CCNJL: variants seen among roughly 807,000 people sequenced by gnomAD.
CCNJL encodes the protein cyclin J like, also known as cyclin-J-like protein.
A neutral mutation model predicts 33.4 loss-of-function variants in CCNJL; 33 were observed. The observed-to-expected ratio is 0.99, with a 90% CI of 0.75 to 1.32. CCNJL has a LOEUF of 1.32. Ranked by LOEUF, CCNJL falls within the 40% of genes most tolerant of loss-of-function variation. The probability of loss-of-function intolerance (pLI) is 0.00; values close to 1 mark genes in which losing one functional copy is unlikely to be tolerated. For missense variants in CCNJL, 512 were observed against 499.7 expected, an observed-to-expected ratio of 1.02 and a Z score of -0.23; for synonymous variants, 227 against 220.9, an observed-to-expected ratio of 1.03 and a Z score of -0.24.
chr5:160,260,947 G>C (rs1053520515), intron 3 of CCNJL: 2 of 152,290 alleles, frequency 1.3e-5, no homozygotes, highest in African/African-American at 4.8e-5. Context: ...GTTCACCCAT[G>C]ACCCCAAGGC....
chr5:160,253,323 TGTCCTC>T lies in CCNJL; in HGVS notation c.*49_*54del. ...CACTTGGCTGAGCTCTCCTCTTCAGTGTCCTCTTCCTCTGCCCACATCTCCAAGGCT... is the reference window on the plus strand; with the variant it reads ...CACTTGGCTGAGCTCTCCTCTTCAGTTTCCTCTGCCCACATCTCCAAGGCT... On this transcript the variant is annotated 3_prime_UTR_variant, in exon 6 of 6. Transcript: ENST00000257536. 6.6e-7 allele frequency: 1 copy of T among 1,505,466 alleles called. No individual in the cohort carries two copies. Among genetic ancestry groups the T allele is most frequent in the Non-Finnish European group, 8.9e-7 (1 of 1,120,740 alleles). 93.3% of individuals were successfully genotyped at this position (1,505,466 alleles called of 1,614,324 possible). A position where few individuals can be genotyped will look rare whatever the true frequency, so the allele number is the denominator to read the frequency against.
At chr5:160,310,630 G>C (rs13177041) in intron 2 of CCNJL, among the ~76,000 whole-genome samples, 2 of 151,960 alleles carry the variant, frequency 1.3e-5, no homozygotes, top group African/African-American at 4.8e-5. Flanking sequence ...TGTTAATCTG[G>C]AACTTCAGAA....
At chr5:160,306,270 C>CTAA (rs1763094533) in intron 2 of CCNJL, among the ~76,000 whole-genome samples, 1 of 68,908 alleles carries the variant, frequency 1.5e-5, no homozygotes, top group Non-Finnish European at 3.0e-5. Flanking sequence ...GACTCCGTCT[C>CTAA]AAAAAAAAAA....
chr5:160,269,558 A>C (rs146691622), intron 3 of CCNJL: 2 of 448,678 alleles, frequency 4.5e-6, no homozygotes, highest in African/African-American at 2.0e-5. Context: ...TGCGGGGAAC[A>C]GGGAGAAGGA....
intron 1 of CCNJL, among the ~76,000 whole-genome samples, chr5:160,327,740 C>A (rs1052929683): frequency 3.9e-5 from 6 of 152,164 alleles, no homozygotes; most frequent in African/African-American, 1.4e-4. Flanking sequence ...CTAGTAACAC[C>A]CTCACATTGA....
Position 160,255,474 on chromosome 5 carries a change from C to T in CCNJL, c.743+75G>A, listed in dbSNP as rs564880656. ...CAAGTTCCAGACTCTGGAAACTGCC[C>T]GTGGCCTGAGGCAGGCCTCAAGGCA... On this transcript the variant is annotated intron_variant, in intron 5 of 5. Transcript: ENST00000257536. The T allele has an allele frequency of 2.8e-5, 40 of 1,417,690 alleles. 1 individual carries two copies. In the East Asian group the frequency reaches 5.7e-4, roughly 20 times the overall value. The allele number at this position is 1,417,690 out of a possible 1,614,324, so 87.8% of individuals were successfully genotyped here. A position where few individuals can be genotyped will look rare whatever the true frequency, so the allele number is the denominator to read the frequency against.
At chr5:160,282,454 T>TA (rs1337294949) in intron 2 of CCNJL, among the ~76,000 whole-genome samples, 1 of 152,204 alleles carries the variant, frequency 6.6e-6, no homozygotes, top group Non-Finnish European at 1.5e-5. Flanking sequence ...GAAAAATACA[T>TA]AAGTTGAATT....
chr5:160,315,203 C>T (rs537036815), upstream of CCNJL, among the ~76,000 whole-genome samples: 9 of 152,120 alleles, frequency 5.9e-5, no homozygotes, highest in South Asian at 2.1e-4. Context: ...GGGCTGGGCA[C>T]GGTGGCTCAT....
intron 3 of CCNJL, chr5:160,269,578 G>A (rs1651896267): frequency 2.3e-6 from 1 of 438,840 alleles, no homozygotes; most frequent in Non-Finnish European, 4.6e-6. Flanking sequence ...AAAAGGAGAG[G>A]CCATCTTGGG....
At chr5:160,293,347 A>T (rs1762647135) in intron 2 of CCNJL, among the ~76,000 whole-genome samples, 1 of 152,168 alleles carries the variant, frequency 6.6e-6, no homozygotes, top group Admixed American at 6.5e-5. Flanking sequence ...GAATTGCTTG[A>T]ACCCGGGAGG....
At position 160,331,214 on chromosome 5, in the gene CCNJL, C is replaced by A. The variant is rs142536051; in HGVS notation, n.206+8231G>T. 8.4e-4 allele frequency among the ~76,000 whole-genome samples: 125 copies of A among 149,592 alleles called. 1 individual carries two copies. The Middle Eastern group carries it at 0.027, about 33-fold the overall frequency. The stretch of plus-strand genomic sequence containing the variant: ...AAGCCCTGAATCTTTTCTTTTCTTT[C>A]TTTCTTTCTTTTTTTTTTTTTTTTT... On this transcript the variant is annotated intron_variant and non_coding_transcript_variant, in intron 1 of 7. Coordinates refer to the CCNJL transcript ENST00000377503.
At chr5:160,266,535 T>C (rs1761596054) in intron 3 of CCNJL, among the ~76,000 whole-genome samples, 1 of 152,152 alleles carries the variant, frequency 6.6e-6, no homozygotes, top group Non-Finnish European at 1.5e-5. Flanking sequence ...AGTGCCAGTT[T>C]CCCATCCTCA....
intron 3 of CCNJL, among the ~76,000 whole-genome samples, chr5:160,270,906 T>C (rs1761811057): frequency 6.6e-6 from 1 of 152,146 alleles, no homozygotes; most frequent in Non-Finnish European, 1.5e-5. Context: ...TATCTCGGCA[T>C]GAACCTGTTT....
Position 160,331,547 on chromosome 5 carries a change from C to T in CCNJL, n.206+7898G>A, listed in dbSNP as rs548083285. On this transcript the variant is annotated intron_variant and non_coding_transcript_variant, in intron 1 of 7. Transcript: ENST00000377503. The stretch of plus-strand genomic sequence containing the variant: ...CCCGAAGCCCTGGATCTTATCTCCT[C>T]TCTGCTGTCTCACCTCCTCTCTTCT... 8.5e-5 allele frequency among the ~76,000 whole-genome samples: 13 copies of T among 152,320 alleles called. No individual in the cohort carries two copies. The East Asian group carries it at 2.5e-3, about 29-fold the overall frequency.
At position 160,339,537 on chromosome 5, in the gene CCNJL, C is replaced by T. The variant is rs528867685; in HGVS notation, n.114G>A. Reference sequence around the variant, plus strand: ...TATGCCTCATTTTCCAAATCTTTGTCGACTTGCTTTCAGTTATCCATTAGT... The same window carrying T: ...TATGCCTCATTTTCCAAATCTTTGTTGACTTGCTTTCAGTTATCCATTAGT... On this transcript the variant is annotated non_coding_transcript_exon_variant, in exon 1 of 8. Coordinates refer to the CCNJL transcript ENST00000377503. The T allele has an allele frequency of 1.0e-4, 46 of 451,434 alleles. 1 individual carries two copies. The highest frequency in any genetic ancestry group is 2.0e-4 in the African/African-American group (10 of 50,008). The allele number at this position is 451,434 out of a possible 1,614,324, so 28.0% of individuals were successfully genotyped here. A position where few individuals can be genotyped will look rare whatever the true frequency, so the allele number is the denominator to read the frequency against.
At chr5:160,290,219 C>T (rs1040989229) in intron 2 of CCNJL, among the ~76,000 whole-genome samples, 1 of 151,988 alleles carries the variant, frequency 6.6e-6, no homozygotes, top group African/African-American at 2.4e-5. Context: ...ATTATTAATC[C>T]ACTTTTCCTT....
At position 160,304,822 on chromosome 5, in the gene CCNJL, C is replaced by CTTT. The variant is rs10658968; in HGVS notation, c.66+7033_66+7035dup. Among the ~76,000 whole-genome samples, 1,183 of 146,112 alleles carry CTTT rather than the reference C, an allele frequency of 8.1e-3. 14 individuals carry two copies. Among genetic ancestry groups the CTTT allele is most frequent in the African/African-American group, 0.024 (968 of 39,724 alleles). On this transcript the variant is annotated intron_variant, in intron 2 of 5. Coordinates refer to ENST00000257536, the MANE Select transcript of CCNJL (RefSeq NM_001308173.3). ...ATGGACCTTGGTCACTACTTTCTTT[C>CTTT]TTTTTTTTTTTAGAGGAAATCTCGC...
intron 1 of CCNJL, among the ~76,000 whole-genome samples, 174 bp from the exon 2 acceptor site, chr5:160,312,146 C>A (rs1763285656): frequency 6.6e-6 from 1 of 152,232 alleles, no homozygotes; most frequent in Admixed American, 6.5e-5. Flanking sequence ...CCCCTCCCCT[C>A]TGCTCGCCGG....
chr5:160,293,742 C>T (rs1176561512), intron 2 of CCNJL, among the ~76,000 whole-genome samples: 1 of 152,168 alleles, frequency 6.6e-6, no homozygotes, highest in Non-Finnish European at 1.5e-5. Context: ...AACTGAGGCA[C>T]AGAAGTATAA....
Sources: allele counts gnomAD v4.1 joint callset (sites outside exome capture counted in the v4.1 genomes callset), GRCh38; gene constraint gnomAD v4.1.1; transcripts MANE v1.5; gene names NCBI Gene and HGNC (gene_info 2026-07-23, HGNC 2026-07-21).